Variants in ARHGAP11B observed in about 807,000 individuals in gnomAD.
ARHGAP11B encodes the protein inactive Rho GTPase-activating protein 11B.
A neutral mutation model predicts 27.6 loss-of-function variants in ARHGAP11B; 14 were observed. The observed-to-expected ratio is 0.51, with a 90% confidence interval of 0.34 to 0.79. The LOEUF is 0.79. ARHGAP11B is among the 30% of genes least tolerant of loss of function. The pLI, the probability that ARHGAP11B is intolerant of heterozygous loss-of-function variation, is 0.02. For synonymous variants in ARHGAP11B, 82 were observed against 114.1 expected (o/e 0.72, Z 1.80); for missense variants, 245 against 320.1 (o/e 0.77, Z 1.79).
chr15:30,632,790 G>C (rs2060254077), intron 2 of ARHGAP11B, among the ~76,000 whole-genome samples: 1 of 151,834 alleles, frequency 6.6e-6, no homozygotes, highest in South Asian at 2.1e-4. Context: ...GGATAATGTT[G>C]GGGTGAGGAA....
intron 7 of ARHGAP11B, among the ~76,000 whole-genome samples, chr15:30,644,294 C>G (rs2060332803): frequency 6.6e-6 from 1 of 152,016 alleles, no homozygotes; most frequent in Admixed American, 6.6e-5. Context: ...TCCCCCTTAG[C>G]ACTTGGCATA....
At chr15:30,645,495 G>A (rs1168560106) in intron 8 of ARHGAP11B, among the ~76,000 whole-genome samples, 2 of 151,786 alleles carry the variant, frequency 1.3e-5, no homozygotes, top group African/African-American at 4.8e-5. Context: ...CAAACCTAGA[G>A]AATTATTACC....
intron 9 of ARHGAP11B, among the ~76,000 whole-genome samples, chr15:30,647,170 C>G (rs1396632712): frequency 6.6e-6 from 1 of 151,742 alleles, no homozygotes; most frequent in Non-Finnish European, 1.5e-5. Flanking sequence ...GGGAATATTA[C>G]GTTTTGGACA....
chr15:30,644,182 T>C (rs1340378609), intron 7 of ARHGAP11B, among the ~76,000 whole-genome samples: 1 of 152,102 alleles, frequency 6.6e-6, no homozygotes, highest in Non-Finnish European at 1.5e-5. Flanking sequence ...CCTGCCTCTT[T>C]TGAATTGTGA....
At chr15:30,641,538 C>T (rs1333687913) in intron 7 of ARHGAP11B, 1 of 151,868 alleles carries the variant, frequency 6.6e-6, no homozygotes, top group Non-Finnish European at 1.5e-5. Context: ...CGGGGTTTCA[C>T]CACGTTGGCC....
At chr15:30,626,790 A>G (rs1363466373) in exon 1 of ARHGAP11B, 7 of 1,610,462 alleles carry the variant, frequency 4.3e-6, no homozygotes, top group Non-Finnish European at 5.1e-6. Flanking sequence ...CAGGACCTGC[A>G]TCCTGCCTCA....
At chr15:30,634,105 A>G in intron 3 of ARHGAP11B, 65 bp from the exon 4 acceptor site, 1 of 1,602,070 alleles carries the variant, frequency 6.2e-7, no homozygotes, top group East Asian at 2.2e-5. Context: ...GTATAACAAA[A>G]GATTCTTTAT....
chr15:30,626,820 A>C, exon 1 of ARHGAP11B: 1 of 1,613,500 alleles, frequency 6.2e-7, no homozygotes, highest in Non-Finnish European at 8.5e-7. Context: ...ACGTATCCGG[A>C]ATGTGGGATC....
Position 30,633,485 on chromosome 15 carries a change from T to C in ARHGAP11B, c.201-5T>C, listed in dbSNP as rs1456729690. 2 of 1,608,034 alleles carry C rather than the reference T, an allele frequency of 1.2e-6. No individual in the cohort carries two copies. Among genetic ancestry groups the C allele is most frequent in the Admixed American group, 1.7e-5 (1 of 58,402 alleles). On this transcript the variant is annotated splice_region_variant and splice_polypyrimidine_tract_variant and intron_variant, in intron 2 of 10. Transcript: ENST00000428041. ...TCTAGCCACCTGAAAAAATCTCTCT[T>C]TCAGCTTTCTTGTCGATGCTTGCAC...
intron 6 of ARHGAP11B, among the ~76,000 whole-genome samples, chr15:30,638,059 AT>A (rs1446070049): frequency 6.7e-6 from 1 of 149,798 alleles, no homozygotes; most frequent in Non-Finnish European, 1.5e-5. Flanking sequence ...ACATCAAGTA[AT>A]CTGCTTGCCT....
At chr15:30,631,026 G>A (rs2060242131) in intron 2 of ARHGAP11B, among the ~76,000 whole-genome samples, 1 of 151,712 alleles carries the variant, frequency 6.6e-6, no homozygotes, top group Non-Finnish European at 1.5e-5. Context: ...GAGCCTTCTA[G>A]CCAGGGAAAT....
intron 6 of ARHGAP11B, among the ~76,000 whole-genome samples, chr15:30,636,077 G>T (rs1329834810): frequency 6.6e-6 from 1 of 151,160 alleles, no homozygotes; most frequent in African/African-American, 2.4e-5. Context: ...AAGGATAAAG[G>T]ATGGTATTAT....
exon 3 of ARHGAP11B, chr15:30,633,525 A>G: frequency 1.2e-6 from 2 of 1,613,442 alleles, no homozygotes; most frequent in Non-Finnish European, 1.7e-6. Flanking sequence ...TTAGAAGAAC[A>G]TATTCATACC....
chr15:30,642,724 A>G (rs547802139), intron 7 of ARHGAP11B, among the ~76,000 whole-genome samples: 1 of 151,998 alleles, frequency 6.6e-6, no homozygotes, highest in South Asian at 2.1e-4. Context: ...TTCTTTTTCC[A>G]GTCTGCAATG....
intron 7 of ARHGAP11B, among the ~76,000 whole-genome samples, chr15:30,643,090 G>A (rs2060324709): frequency 6.6e-6 from 1 of 151,836 alleles, no homozygotes; most frequent in Admixed American, 6.6e-5. Context: ...TGAGAATAGT[G>A]CTGTTAACTA....
rs185765703 is a variant in ARHGAP11B at position 30,638,367 on chromosome 15, C to T, written c.*4-379C>T. 2.5e-3 allele frequency among the ~76,000 whole-genome samples: 372 copies of T among 151,746 alleles called. 4 individuals carry two copies. Among genetic ancestry groups the T allele is most frequent in the African/African-American group, 8.5e-3 (350 of 41,394 alleles). On this transcript the variant is annotated intron_variant, in intron 6 of 10. Transcript: ENST00000428041. ...TTTATTGATATAATGTTTTTACTTCCATCTCTACTGATCTTTTAAATACTT... is the reference window on the plus strand; with the variant it reads ...TTTATTGATATAATGTTTTTACTTCTATCTCTACTGATCTTTTAAATACTT...
Position 30,627,040 on chromosome 15 carries a change from G to A in ARHGAP11B, c.129+91G>A. The A allele has an allele frequency of 3.2e-6, 5 of 1,556,200 alleles. No homozygotes were observed. The Admixed American group carries it at 7.5e-5, about 23-fold the overall frequency. On this transcript the variant is annotated intron_variant, in intron 1 of 10. Coordinates refer to ENST00000428041, the Ensembl canonical transcript of ARHGAP11B. ...CAGATCGTGCTAAAATGTTCACTCT[G>A]TGTATCAAAAAGAATGGTTAGGTGT...
At chr15:30,640,899 C>G (rs1335385032) in intron 7 of ARHGAP11B, among the ~76,000 whole-genome samples, 1 of 151,136 alleles carries the variant, frequency 6.6e-6, no homozygotes, top group East Asian at 1.9e-4. Flanking sequence ...TAACATAGTT[C>G]AGTTTTTTTT....
chr15:30,635,043 G>A (rs370436634), intron 4 of ARHGAP11B, 37 bp from the exon 5 acceptor site: 34 of 1,597,194 alleles, frequency 2.1e-5, no homozygotes, highest in African/African-American at 1.1e-4. Context: ...GTATTTTCAC[G>A]TTTGGCTCCA....
Sources: allele counts gnomAD v4.1 joint callset (sites outside exome capture counted in the v4.1 genomes callset), GRCh38; gene constraint gnomAD v4.1.1; transcripts MANE v1.5; gene names NCBI Gene and HGNC (gene_info 2026-07-23, HGNC 2026-07-21).